Variants in THSD7B observed in about 807,000 individuals in gnomAD.
The protein encoded by THSD7B is thrombospondin type-1 domain-containing protein 7B.
Under a neutral mutation model 213.6 loss-of-function variants are expected in THSD7B, and 138 were observed. The ratio of observed to expected loss-of-function variants is 0.65; its 90% CI spans 0.56 to 0.74. THSD7B has a LOEUF of 0.74. Among genes scored for constraint, THSD7B ranks in the 30% least tolerant of loss-of-function variants. The pLI is 0.00. For missense variants in THSD7B, 1,931 were observed against 1,991.5 expected (o/e 0.97, Z 0.58); for synonymous variants, 742 against 687.0 (o/e 1.08, Z -1.25).
intron 14 of THSD7B, among the ~76,000 whole-genome samples, chr2:137,432,345 C>G (rs1387911331): frequency 1.3e-5 from 2 of 152,308 alleles, no homozygotes; most frequent in East Asian, 3.9e-4. Context: ...CAGCCGAGAT[C>G]GCGCCACTGC....
intron 15 of THSD7B, among the ~76,000 whole-genome samples, chr2:137,513,359 T>C (rs1431899776): frequency 6.6e-6 from 1 of 152,206 alleles, no homozygotes; most frequent in Non-Finnish European, 1.5e-5. Context: ...ATAGGATTGA[T>C]ATTTTAATTG....
At chr2:137,287,022 G>A (rs1310031716) in intron 12 of THSD7B, among the ~76,000 whole-genome samples, 8 of 152,088 alleles carry the variant, frequency 5.3e-5, no homozygotes, top group African/African-American at 1.4e-4. Context: ...AATAACTTTT[G>A]TGAGATAGTT....
chr2:136,795,463 A>T (rs886528111), intron 1 of THSD7B, among the ~76,000 whole-genome samples: 1 of 151,950 alleles, frequency 6.6e-6, no homozygotes, highest in Non-Finnish European at 1.5e-5. Context: ...CCTTAGCTTA[A>T]TCACATCTGC....
intron 12 of THSD7B, among the ~76,000 whole-genome samples, chr2:137,390,771 C>A (rs1686006539): frequency 6.6e-6 from 1 of 151,922 alleles, no homozygotes; most frequent in African/African-American, 2.4e-5. Flanking sequence ...AATGTTATTT[C>A]TGTCTATTGA....
At chr2:137,467,429 A>C (rs1334438915) in intron 15 of THSD7B, among the ~76,000 whole-genome samples, 1 of 152,078 alleles carries the variant, frequency 6.6e-6, no homozygotes, top group Non-Finnish European at 1.5e-5. Context: ...TGGGGAAAGG[A>C]GATAGCCTGC....
intron 2 of THSD7B, among the ~76,000 whole-genome samples, chr2:136,917,691 G>T (rs1464636649): frequency 6.6e-6 from 1 of 152,114 alleles, no homozygotes; most frequent in Non-Finnish European, 1.5e-5. Context: ...ATTATTTAAG[G>T]TGCAGAGTCT....
At chr2:137,309,654 C>A (rs543362892) in intron 12 of THSD7B, among the ~76,000 whole-genome samples, 2 of 152,174 alleles carry the variant, frequency 1.3e-5, no homozygotes, top group South Asian at 4.2e-4. Context: ...TATCCCTACC[C>A]CTACCCCCAC....
intron 20 of THSD7B, among the ~76,000 whole-genome samples, chr2:137,622,536 A>G (rs1163932429): frequency 6.6e-6 from 1 of 152,192 alleles, no homozygotes; most frequent in Non-Finnish European, 1.5e-5. Context: ...CAATGAATCC[A>G]GGAGCTTGTT....
chr2:137,370,950 T>A (rs1685526324), intron 12 of THSD7B, among the ~76,000 whole-genome samples: 1 of 152,166 alleles, frequency 6.6e-6, no homozygotes, highest in Non-Finnish European at 1.5e-5. Context: ...AATCTTTTTT[T>A]TTCATGCAGC....
At chr2:137,533,450 C>G (rs1680439650) in intron 15 of THSD7B, among the ~76,000 whole-genome samples, 1 of 151,814 alleles carries the variant, frequency 6.6e-6, no homozygotes, top group Admixed American at 6.6e-5. Flanking sequence ...ACTCAATACT[C>G]TACTTATTAA....
At chr2:137,140,508 A>C (rs1679559051) in intron 5 of THSD7B, among the ~76,000 whole-genome samples, 1 of 152,096 alleles carries the variant, frequency 6.6e-6, no homozygotes, top group African/African-American at 2.4e-5. Context: ...TTTCCTCCAA[A>C]AATTCCGTGT....
rs562863349 is a variant in THSD7B, at chr2:137,462,444, G to T, written c.3138+11421G>T. Among the ~76,000 whole-genome samples the T allele has an allele frequency of 3.3e-5, 5 of 152,156 alleles. No individual in the cohort carries two copies. In the East Asian group the frequency reaches 9.7e-4, roughly 29 times the overall value. ...AGACCAAGTAGCCGTCAAATGCTGT[G>T]CATGCTATAGTTCACCAATGCATAG... On this transcript the variant is annotated intron_variant, in intron 15 of 27. Transcript: ENST00000409968.
chr2:137,496,466 T>C (rs1679569251), intron 15 of THSD7B, among the ~76,000 whole-genome samples: 1 of 152,154 alleles, frequency 6.6e-6, no homozygotes, highest in Non-Finnish European at 1.5e-5. Flanking sequence ...CCTCTTTGAG[T>C]CCTTTTTGTT....
In THSD7B at chr2:137,272,670, G is replaced by T; in HGVS notation, c.2396+8G>T. 6.2e-7 allele frequency: 1 copy of T among 1,609,674 alleles called. No individual in the cohort carries two copies. Among genetic ancestry groups the T allele is most frequent in the Non-Finnish European group, 8.5e-7 (1 of 1,177,866 alleles). On this transcript the variant is annotated splice_region_variant and intron_variant, in intron 11 of 27. Transcript: ENST00000409968. ...CTTGTGTCCTGTATATCGGCAAGTA[G>T]TTACCTTTTAAAATTATCGTTAGAC...
chr2:137,274,646 G>A (rs549214926), intron 11 of THSD7B, among the ~76,000 whole-genome samples: 1 of 152,098 alleles, frequency 6.6e-6, no homozygotes, highest in South Asian at 2.1e-4. Flanking sequence ...CCAAGGTAAA[G>A]GAGATTGAAC....
intron 2 of THSD7B, among the ~76,000 whole-genome samples, chr2:136,907,876 G>A (rs1176468316): frequency 6.7e-6 from 1 of 149,440 alleles, no homozygotes; most frequent in Admixed American, 6.7e-5. Context: ...ACATTAAGCA[G>A]TAGGATGTTG....
chr2:137,560,714 A>AATAT (rs774896602), intron 15 of THSD7B, among the ~76,000 whole-genome samples: 15 of 150,912 alleles, frequency 9.9e-5, no homozygotes, highest in African/African-American at 3.6e-4. Context: ...GGTATAATAA[A>AATAT]ATATATATAT....
At position 137,149,827 on chromosome 2, in the gene THSD7B, G is replaced by C. The variant is rs915544756; in HGVS notation, c.1370-10386G>C. On this transcript the variant is annotated intron_variant, in intron 5 of 27. Transcript: ENST00000409968. ...AACTAACTTGCTTTTGATTTTATAGGCTTATAGGTGGAAGGGACATGACTT... is the reference window on the plus strand; with the variant it reads ...AACTAACTTGCTTTTGATTTTATAGCCTTATAGGTGGAAGGGACATGACTT... Among the ~76,000 whole-genome samples, 7 of 152,158 alleles carry C rather than the reference G, an allele frequency of 4.6e-5. 1 individual carries two copies. Among genetic ancestry groups the C allele is most frequent in the Admixed American group, 4.6e-4 (7 of 15,278 alleles).
At chr2:136,825,928 A>G (rs1290951484) in intron 1 of THSD7B, among the ~76,000 whole-genome samples, 1 of 151,908 alleles carries the variant, frequency 6.6e-6, no homozygotes, top group African/African-American at 2.4e-5. Context: ...TAATCTCTCC[A>G]TCTCCAAGTC....
Sources: allele counts gnomAD v4.1 joint callset (sites outside exome capture counted in the v4.1 genomes callset), GRCh38; gene constraint gnomAD v4.1.1; transcripts MANE v1.5; gene names NCBI Gene and HGNC (gene_info 2026-07-23, HGNC 2026-07-21).